SDHAF3: variants seen among roughly 807,000 people sequenced by gnomAD.
SDHAF3 encodes succinate dehydrogenase assembly factor 3, mitochondrial.
SDHAF3 carries 18 observed loss-of-function variants against 11.5 expected under a neutral mutation model. The observed-to-expected ratio is 1.56, with a 90% CI of 1.08 to 2.32. The LOEUF is 2.32. Among genes scored for constraint, SDHAF3 ranks in the 30% most tolerant of loss-of-function variants. The probability of loss-of-function intolerance (pLI) is 0.00; values close to 1 mark genes in which losing one functional copy is unlikely to be tolerated. For synonymous variants in SDHAF3, 72 were observed against 59.3 expected (o/e 1.21, Z -0.99); for missense variants, 200 against 154.4 (o/e 1.30, Z -1.57).
rs560303338 is a variant in SDHAF3 at position 97,134,753 on chromosome 7, A to G, written c.174+16856A>G. ...TGAGCCACCTCACCCAGCTGAGAAG[A>G]TGTTCTTACTTTAAAATGTTTGGAC... On this transcript the variant is annotated intron_variant, in intron 1 of 1. Transcript: ENST00000432641. Among the ~76,000 whole-genome samples, 42 of 152,236 alleles carry G rather than the reference A, an allele frequency of 2.8e-4. 2 individuals carry two copies. The South Asian group carries it at 8.3e-3, about 30-fold the overall frequency.
At chr7:97,160,065 G>A (rs148933841) in intron 1 of SDHAF3, among the ~76,000 whole-genome samples, 1,836 of 150,884 alleles carry the variant, frequency 0.012, 35 homozygotes, top group African/African-American at 0.042. Context: ...GCCTCTGCCC[G>A]GCTGCCCTAT....
In SDHAF3 at chr7:97,127,945, G is replaced by A. The variant is rs1040786888; in HGVS notation, c.174+10048G>A. On this transcript the variant is annotated intron_variant, in intron 1 of 1. Transcript: ENST00000432641. ...TGACTGAGTCTCCCTCTGTCGCTGAGGCTGGAGTGCAGTGGCACTGCGTCG... is the reference window on the plus strand; with the variant it reads ...TGACTGAGTCTCCCTCTGTCGCTGAAGCTGGAGTGCAGTGGCACTGCGTCG... 2.1e-5 allele frequency among the ~76,000 whole-genome samples: 3 copies of A among 143,152 alleles called. No individual in the cohort carries two copies. The South Asian group carries it at 6.7e-4, about 32-fold the overall frequency. 93.9% of individuals were successfully genotyped at this position (143,152 alleles called of 152,430 possible). A position where few individuals can be genotyped will look rare whatever the true frequency, so the allele number is the denominator to read the frequency against.
chr7:97,148,376 A>G (rs1584221344), intron 1 of SDHAF3, among the ~76,000 whole-genome samples: 3 of 152,092 alleles, frequency 2.0e-5, no homozygotes, highest in South Asian at 2.1e-4. Context: ...CTCTACAACA[A>G]TGTTTTAAAA....
chr7:97,136,731 T>TA (rs1183465370), intron 1 of SDHAF3, among the ~76,000 whole-genome samples: 3 of 152,198 alleles, frequency 2.0e-5, no homozygotes, highest in Non-Finnish European at 4.4e-5. Flanking sequence ...AGTCTGTAGT[T>TA]AAAAAAGTAG....
At chr7:97,158,490 C>G (rs1371800314) in intron 1 of SDHAF3, among the ~76,000 whole-genome samples, 3 of 152,062 alleles carry the variant, frequency 2.0e-5, no homozygotes, top group African/African-American at 7.2e-5. Context: ...ACCACGCTAG[C>G]TAATTTTTGT....
intron 1 of SDHAF3, among the ~76,000 whole-genome samples, chr7:97,133,874 A>T (rs1791706985): frequency 6.6e-6 from 1 of 152,250 alleles, no homozygotes; most frequent in Non-Finnish European, 1.5e-5. Flanking sequence ...TAAAAATTAT[A>T]GTATGGTTTA....
intron 1 of SDHAF3, among the ~76,000 whole-genome samples, chr7:97,179,052 A>G (rs1156927092): frequency 6.6e-6 from 1 of 152,166 alleles, no homozygotes; most frequent in African/African-American, 2.4e-5. Flanking sequence ...ACTCTTTTGC[A>G]TGTGGAAATT....
At chr7:97,158,590 C>G (rs906610976) in intron 1 of SDHAF3, among the ~76,000 whole-genome samples, 4 of 152,194 alleles carry the variant, frequency 2.6e-5, no homozygotes, top group African/African-American at 9.7e-5. Context: ...TCTCAAAGTG[C>G]TGGGATTACA....
At chr7:97,131,299 A>G (rs1427180585) in intron 1 of SDHAF3, among the ~76,000 whole-genome samples, 1 of 152,148 alleles carries the variant, frequency 6.6e-6, no homozygotes, top group Non-Finnish European at 1.5e-5. Flanking sequence ...TCATCTTTTT[A>G]TCTTCTACAC....
At chr7:97,125,478 G>A (rs1004893898) in intron 1 of SDHAF3, among the ~76,000 whole-genome samples, 6 of 152,092 alleles carry the variant, frequency 3.9e-5, no homozygotes, top group Non-Finnish European at 8.8e-5. Context: ...TCAATCAATC[G>A]TAGGCTTGGT....
chr7:97,179,940 G>C (rs566884422), intron 1 of SDHAF3, among the ~76,000 whole-genome samples: 1 of 152,206 alleles, frequency 6.6e-6, no homozygotes, highest in Non-Finnish European at 1.5e-5. Flanking sequence ...TATATCTCAA[G>C]CCAGATCAGG....
chr7:97,138,626 T>G (rs1475216641), intron 1 of SDHAF3, among the ~76,000 whole-genome samples: 1 of 152,232 alleles, frequency 6.6e-6, no homozygotes, highest in Non-Finnish European at 1.5e-5. Context: ...GTAATTTGAT[T>G]AACCATTCTA....
At chr7:97,146,493 A>T (rs1789137114) in intron 1 of SDHAF3, among the ~76,000 whole-genome samples, 1 of 152,224 alleles carries the variant, frequency 6.6e-6, no homozygotes, top group Non-Finnish European at 1.5e-5. Flanking sequence ...CAAAAAGAAC[A>T]TAAAATAATT....
chr7:97,169,152 C>G (rs551151442), intron 1 of SDHAF3, among the ~76,000 whole-genome samples: 1 of 152,194 alleles, frequency 6.6e-6, no homozygotes, highest in African/African-American at 2.4e-5. Context: ...GTGTTGAAAC[C>G]CTGCCTCTAC....
chr7:97,122,061 G>A (rs1388411047), intron 1 of SDHAF3, among the ~76,000 whole-genome samples: 1 of 152,102 alleles, frequency 6.6e-6, no homozygotes, highest in Non-Finnish European at 1.5e-5. Context: ...GTTTCACTGT[G>A]TTAGCCAGGA....
intron 1 of SDHAF3, among the ~76,000 whole-genome samples, chr7:97,146,880 G>A (rs909536436): frequency 1.3e-5 from 2 of 150,634 alleles, no homozygotes; most frequent in African/African-American, 2.4e-5. Context: ...TCCACCTCCC[G>A]GGTTGATGCC....
Position 97,181,383 on chromosome 7 carries a change from T to C in SDHAF3, c.*168T>C, listed in dbSNP as rs1584238685. ...TATGGATCAAGATCACTAGTGACAA[T>C]TGAAAAAAACTATTGGAATAATAGC... On this transcript the variant is annotated 3_prime_UTR_variant, in exon 2 of 2. Coordinates refer to ENST00000432641, the MANE Select transcript of SDHAF3 (RefSeq NM_020186.3). 1.2e-5 allele frequency: 6 copies of C among 505,966 alleles called. No individual in the cohort carries two copies. In the East Asian group the frequency reaches 1.3e-4, roughly 11 times the overall value. 31.3% of individuals were successfully genotyped at this position (505,966 alleles called of 1,614,324 possible).
At chr7:97,159,454 CACTG>C (rs1381928602) in intron 1 of SDHAF3, among the ~76,000 whole-genome samples, 4 of 152,324 alleles carry the variant, frequency 2.6e-5, no homozygotes, top group African/African-American at 7.2e-5. Flanking sequence ...CCCCAGGCAG[CACTG>C]ACTAACATTT....
chr7:97,159,026 T>G (rs1176737789), intron 1 of SDHAF3, among the ~76,000 whole-genome samples: 1 of 152,186 alleles, frequency 6.6e-6, no homozygotes, highest in Non-Finnish European at 1.5e-5. Context: ...GAACAGAACA[T>G]AGTATAAAGT....
Sources: allele counts gnomAD v4.1 joint callset (sites outside exome capture counted in the v4.1 genomes callset), GRCh38; gene constraint gnomAD v4.1.1; transcripts MANE v1.5; gene names NCBI Gene and HGNC (gene_info 2026-07-23, HGNC 2026-07-21).